The following NR6A1 variants were observed in gnomAD, a reference collection of about 807,000 sequenced individuals.
The protein encoded by NR6A1 is nuclear receptor subfamily 6 group A member 1, also known as retinoic acid receptor-related testis-associated receptor.
Under a neutral mutation model 59.1 loss-of-function variants are expected in NR6A1, and 7 were observed. The observed-to-expected ratio is 0.12, with a 90% CI of 0.07 to 0.22. The LOEUF (loss-of-function observed/expected upper bound fraction) is 0.22. NR6A1 is among the 10% of genes least tolerant of loss of function. The probability of loss-of-function intolerance (pLI) is 1.00; values close to 1 mark genes in which losing one functional copy is unlikely to be tolerated. For missense variants in NR6A1, 468 were observed against 611.6 expected (o/e 0.77, Z 2.48); for synonymous variants, 243 against 236.1 (o/e 1.03, Z -0.27).
intron 2 of NR6A1, among the ~76,000 whole-genome samples, chr9:124,657,152 G>A (rs773734275): frequency 1.3e-5 from 2 of 152,138 alleles, no homozygotes; most frequent in South Asian, 2.1e-4. Context: ...CTCTTCTTTC[G>A]AACATTCTTA....
intron 2 of NR6A1, among the ~76,000 whole-genome samples, chr9:124,693,021 A>G (rs1319917263): frequency 6.6e-6 from 1 of 152,232 alleles, no homozygotes; most frequent in African/African-American, 2.4e-5. Context: ...TATAGTTAAT[A>G]TGGTTAATTT....
At chr9:124,614,538 G>T (rs1835837952) in intron 2 of NR6A1, among the ~76,000 whole-genome samples, 1 of 152,152 alleles carries the variant, frequency 6.6e-6, no homozygotes, top group African/African-American at 2.4e-5. Flanking sequence ...TAAGACAGGT[G>T]GTGATGGCAG....
chr9:124,551,274 C>CT (rs1833770282), intron 3 of NR6A1, among the ~76,000 whole-genome samples: 1 of 152,194 alleles, frequency 6.6e-6, no homozygotes, highest in Admixed American at 6.5e-5. Context: ...CATATGTACA[C>CT]TAACTCACCT....
In NR6A1 at chr9:124,619,273, A is replaced by T. The variant is rs551209114; in HGVS notation, c.143-64703T>A. ...GTATGTAATTTTAATTAAAAAAAAAATTTTTTTTGAGACAGGGTCTCCCTC... is the reference window on the plus strand; with the variant it reads ...GTATGTAATTTTAATTAAAAAAAAATTTTTTTTTGAGACAGGGTCTCCCTC... On this transcript the variant is annotated intron_variant, in intron 2 of 9. Transcript: ENST00000487099. Among the ~76,000 whole-genome samples the T allele has an allele frequency of 7.9e-3, 1,198 of 151,874 alleles. 4 individuals are homozygous for T. The highest frequency in any genetic ancestry group is 0.025 in the African/African-American group (1,016 of 41,436).
chr9:124,591,830 T>C (rs1007023087), intron 2 of NR6A1, among the ~76,000 whole-genome samples: 3 of 151,558 alleles, frequency 2.0e-5, no homozygotes, highest in Admixed American at 1.3e-4. Flanking sequence ...CCTTGAAATA[T>C]GGGTAGATGC....
intron 1 of NR6A1, among the ~76,000 whole-genome samples, chr9:124,755,298 C>T (rs1346216448): frequency 6.6e-6 from 1 of 152,158 alleles, no homozygotes; most frequent in African/African-American, 2.4e-5. Flanking sequence ...CCATTAGAGA[C>T]TCTCAGACTG....
intron 4 of NR6A1, among the ~76,000 whole-genome samples, chr9:124,541,688 C>G (rs1370191913): frequency 1.3e-5 from 2 of 152,116 alleles, no homozygotes; most frequent in Non-Finnish European, 2.9e-5. Flanking sequence ...GGGTATTAAT[C>G]CAAAAGAACT....
rs574167423 is a variant in NR6A1 at position 124,629,835 on chromosome 9, T to A, written c.143-75265A>T. 1.0e-3 allele frequency among the ~76,000 whole-genome samples: 159 copies of A among 152,342 alleles called. 1 individual carries two copies. The highest frequency in any genetic ancestry group is 3.7e-3 in the African/African-American group (155 of 41,574). ...TTCTAAGTCACTCATGTGGTTTTTT[T>A]AAAATAGTCACCAGCACAAGGGAGG... On this transcript the variant is annotated intron_variant, in intron 2 of 9. Coordinates refer to ENST00000487099, the MANE Select transcript of NR6A1 (RefSeq NM_033334.4).
intron 1 of NR6A1, among the ~76,000 whole-genome samples, chr9:124,733,768 G>T (rs1251375729): frequency 6.6e-6 from 1 of 152,136 alleles, no homozygotes; most frequent in Non-Finnish European, 1.5e-5. Flanking sequence ...AGAAAGCAAA[G>T]TATGTAAAAT....
rs557650030 is a variant in NR6A1, at chr9:124,734,865, C to T, written c.101-1516G>A. Among the ~76,000 whole-genome samples, 92 of 152,000 alleles carry T rather than the reference C, an allele frequency of 6.1e-4. 1 individual carries two copies. The South Asian group carries it at 0.019, about 31-fold the overall frequency. On this transcript the variant is annotated intron_variant, in intron 1 of 9. Coordinates refer to ENST00000487099, the MANE Select transcript of NR6A1 (RefSeq NM_033334.4). ...ACTACGACTTTGTTTTTGTTTGATA[C>T]GGAGTTTTGCTCTATCGCCCAGGCT...
chr9:124,601,055 T>G (rs1835432020), intron 2 of NR6A1, among the ~76,000 whole-genome samples: 1 of 149,120 alleles, frequency 6.7e-6, no homozygotes, highest in African/African-American at 2.5e-5. Flanking sequence ...GCGGGTGGAT[T>G]ACCTGAGGTC....
At chr9:124,529,995 T>C (rs1028890697) in intron 7 of NR6A1, among the ~76,000 whole-genome samples, 2 of 152,140 alleles carry the variant, frequency 1.3e-5, no homozygotes, top group East Asian at 1.9e-4. Flanking sequence ...GCCTAGTATG[T>C]AGCAAGCAAA....
At position 124,540,125 on chromosome 9, in the gene NR6A1, G is replaced by A; in HGVS notation, c.504C>T (p.His168=). 6.2e-7 allele frequency: 1 copy of A among 1,614,098 alleles called. No homozygotes were observed. Among genetic ancestry groups the A allele is most frequent in the Non-Finnish European group, 8.5e-7 (1 of 1,179,970 alleles). Residue 168 remains histidine, a synonymous_variant, in exon 5 of 10, where the codon CAC becomes CAT. Transcript: ENST00000487099. The part of the protein sequence containing the change: ...SGQEFEEEAN[H]WSNHGDSDHS... ...GGTCACTATCACCATGGTTGCTCCA[G>A]TGATTGGCCTCTTCCTCAAACTCCT...
intron 2 of NR6A1, among the ~76,000 whole-genome samples, chr9:124,712,030 G>A (rs2131073700): frequency 6.6e-6 from 1 of 152,272 alleles, no homozygotes; most frequent in South Asian, 2.1e-4. Context: ...GCAAGCACAG[G>A]TTTTCTATTT....
intron 2 of NR6A1, among the ~76,000 whole-genome samples, chr9:124,628,139 T>C (rs756485797): frequency 2.0e-5 from 3 of 152,148 alleles, no homozygotes; most frequent in African/African-American, 7.2e-5. Context: ...GTGATTCTCC[T>C]GCCTCAGCCT....
chr9:124,585,211 C>A (rs887818298), intron 2 of NR6A1, among the ~76,000 whole-genome samples: 1 of 151,972 alleles, frequency 6.6e-6, no homozygotes, highest in African/African-American at 2.4e-5. Flanking sequence ...GGTTGGCTCA[C>A]GAGGTTGAAG....
At chr9:124,623,092 G>A (rs1352681492) in intron 2 of NR6A1, among the ~76,000 whole-genome samples, 1 of 152,138 alleles carries the variant, frequency 6.6e-6, no homozygotes, top group Non-Finnish European at 1.5e-5. Context: ...GTAGAGGTTG[G>A]CAGGATTGTC....
At chr9:124,710,112 T>G (rs1839232829) in intron 2 of NR6A1, among the ~76,000 whole-genome samples, 2 of 152,090 alleles carry the variant, frequency 1.3e-5, no homozygotes, top group African/African-American at 4.8e-5. Flanking sequence ...TAGGGCTTGG[T>G]TTTTTACTGC....
chr9:124,739,916 G>A (rs1390661269), intron 1 of NR6A1, among the ~76,000 whole-genome samples: 2 of 152,194 alleles, frequency 1.3e-5, no homozygotes, highest in African/African-American at 4.8e-5. Context: ...TTAACGTTCT[G>A]CTAGTTACTC....
Sources: allele counts gnomAD v4.1 joint callset (sites outside exome capture counted in the v4.1 genomes callset), GRCh38; gene constraint gnomAD v4.1.1; transcripts MANE v1.5; gene names NCBI Gene and HGNC (gene_info 2026-07-23, HGNC 2026-07-21).